TPR: variants seen among roughly 807,000 people sequenced by gnomAD.
TPR encodes nucleoprotein TPR.
In TPR, 51 loss-of-function variants were observed where a neutral mutation model predicts 316.1. The ratio of observed to expected loss-of-function variants is 0.16; its 90% CI spans 0.13 to 0.20. The LOEUF is 0.20. Among genes scored for constraint, TPR ranks in the 10% least tolerant of loss-of-function variants. The pLI, the probability that TPR is intolerant of heterozygous loss-of-function variation, is 1.00. For missense variants in TPR, 2,272 were observed against 2,754.8 expected (o/e 0.82, Z 3.92); for synonymous variants, 981 against 914.7 (o/e 1.07, Z -1.31).
chr1:186,330,311 C>T (rs1455095125), intron 39 of TPR, among the ~76,000 whole-genome samples: 1 of 152,072 alleles, frequency 6.6e-6, no homozygotes, highest in African/African-American at 2.4e-5. Flanking sequence ...TTATCAGACT[C>T]CTATCTCTGA....
At position 186,360,382 on chromosome 1, in the gene TPR, C is replaced by T. The variant is rs773434378; in HGVS notation, c.1100-18G>A. On this transcript the variant is annotated intron_variant, in intron 10 of 50. Coordinates refer to ENST00000367478, the MANE Select transcript of TPR (RefSeq NM_003292.3). ...TATGGCTCCTGTGCCAACAAATACA[C>T]ATCTAGTATAATTTGTAAAATTCCA... 3.1e-6 allele frequency: 5 copies of T among 1,608,272 alleles called. No individual in the cohort carries two copies. Among genetic ancestry groups the T allele is most frequent in the Admixed American group, 1.7e-5 (1 of 59,016 alleles).
At chr1:186,363,532 C>A (rs547174771) in intron 4 of TPR, 87 bp from the exon 5 acceptor site, 57 of 882,134 alleles carry the variant, frequency 6.5e-5, no homozygotes, top group Admixed American at 9.6e-5. Context: ...GGAATATAAA[C>A]CTTTAATACA....
In TPR at chr1:186,332,250, G is replaced by A; in HGVS notation, c.5549C>T (p.Thr1850Ile). The A allele has an allele frequency of 6.2e-7, 1 of 1,612,586 alleles. No homozygotes were observed. The highest frequency in any genetic ancestry group is 1.1e-5 in the South Asian group (1 of 90,594). ...CTTCTTTGGAAGAGGCATTTCCACT[G>A]TATCATCAGAGACTTGGTCTGATGC... ...IEASDQVSDD[T>I]VEMPLPKKLK... The change falls in exon 38 of 51, where the codon ACA becomes ATA. Residue 1850 changes from threonine to isoleucine, a missense_variant. Coordinates refer to ENST00000367478, the MANE Select transcript of TPR (RefSeq NM_003292.3).
intron 14 of TPR, chr1:186,356,667 GT>G (rs1264478150): frequency 1.2e-5 from 5 of 421,902 alleles, no homozygotes; most frequent in Non-Finnish European, 2.1e-5. Flanking sequence ...TGAAAAATTT[GT>G]TTGTAAAAAT....
At chr1:186,339,351 C>T (rs889086216) in intron 30 of TPR, among the ~76,000 whole-genome samples, 1 of 151,714 alleles carries the variant, frequency 6.6e-6, no homozygotes, top group Admixed American at 6.6e-5. Context: ...AAAAAAAAAA[C>T]CTCCTTGTAA....
At chr1:186,356,551 C>A (rs1571630062) in intron 14 of TPR, 102 bp from the exon 15 acceptor site, 3 of 1,116,152 alleles carry the variant, frequency 2.7e-6, no homozygotes, top group South Asian at 4.0e-5. Context: ...ATTCATCATA[C>A]CATTTTTGTC....
chr1:186,318,377 G>C (rs1657673159), intron 48 of TPR, 70 bp downstream of exon 48: 9 of 1,497,878 alleles, frequency 6.0e-6, no homozygotes, highest in Non-Finnish European at 8.1e-6. Flanking sequence ...ATTGTTTCTT[G>C]GCTAAAGGAA....
At chr1:186,324,419 T>A (rs1657857567) in intron 42 of TPR, among the ~76,000 whole-genome samples, 1 of 152,208 alleles carries the variant, frequency 6.6e-6, no homozygotes, top group East Asian at 1.9e-4. Flanking sequence ...TTCCTGAATT[T>A]TGAATTTTAA....
At chr1:186,357,202 C>CCA (rs1427246717) in intron 14 of TPR, among the ~76,000 whole-genome samples, 195 bp downstream of exon 14, 1 of 152,072 alleles carries the variant, frequency 6.6e-6, no homozygotes, top group Non-Finnish European at 1.5e-5. Flanking sequence ...ACATGTGCCA[C>CCA]CACACCCAGC....
intron 39 of TPR, among the ~76,000 whole-genome samples, chr1:186,330,707 A>G (rs944269819): frequency 2.0e-5 from 3 of 152,076 alleles, no homozygotes; most frequent in African/African-American, 7.2e-5. Flanking sequence ...TCCACGCTGG[A>G]GACTATTTCT....
rs139159973 is a variant in TPR, at chr1:186,373,242, A to G, written c.256+117T>C. 1,500 of 618,362 alleles carry G rather than the reference A, an allele frequency of 2.4e-3. 16 individuals carry two copies. The highest frequency in any genetic ancestry group is 0.021 in the African/African-American group (1,164 of 54,374). The allele number at this position is 618,362 out of a possible 1,614,324, so 38.3% of individuals were successfully genotyped here. On this transcript the variant is annotated intron_variant, in intron 2 of 50. Coordinates refer to ENST00000367478, the MANE Select transcript of TPR (RefSeq NM_003292.3). ...TCAAAATATCACCATAATAAAAACC[A>G]ATGATGCTTAATCAATATTTTCATG...
chr1:186,345,992 A>G, intron 23 of TPR, 143 bp downstream of exon 23: 2 of 856,434 alleles, frequency 2.3e-6, no homozygotes, highest in Non-Finnish European at 3.5e-6. Context: ...AGGTACAGAA[A>G]AGAGTAAAAC....
chr1:186,365,985 G>T (rs1380040846), intron 4 of TPR, among the ~76,000 whole-genome samples: 1 of 152,114 alleles, frequency 6.6e-6, no homozygotes, highest in Non-Finnish European at 1.5e-5. Flanking sequence ...AAAACATATT[G>T]GTAACAGACT....
intron 29 of TPR, among the ~76,000 whole-genome samples, chr1:186,340,062 C>G (rs1197730861): frequency 6.6e-6 from 1 of 152,062 alleles, no homozygotes; most frequent in African/African-American, 2.4e-5. Flanking sequence ...ATAAAGGGAT[C>G]TGAAGAATCA....
chr1:186,315,213 A>C (rs12124995), intron 49 of TPR, among the ~76,000 whole-genome samples: 5,898 of 150,650 alleles, frequency 0.039, 141 homozygotes, highest in South Asian at 0.053. Flanking sequence ...TCTCAAAAAA[A>C]AAACAAACAA....
intron 27 of TPR, chr1:186,343,008 C>T (rs1571618363): frequency 9.6e-6 from 2 of 208,248 alleles, no homozygotes; most frequent in East Asian, 2.2e-4. Flanking sequence ...CTAAATGCTT[C>T]ATGTGCACAA....
rs74134837 is a variant in TPR at position 186,368,891 on chromosome 1, T to C, written c.331-909A>G. Among the ~76,000 whole-genome samples, 379 of 152,314 alleles carry C rather than the reference T, an allele frequency of 2.5e-3. 2 individuals carry two copies. Among genetic ancestry groups the C allele is most frequent in the African/African-American group, 8.8e-3 (364 of 41,576 alleles). ...GTTTTATGGCTTCAGGTCTTACATT[T>C]AGATCTTTCATCCATCTTGGCTTGA... On this transcript the variant is annotated intron_variant, in intron 3 of 50. Transcript: ENST00000367478.
intron 9 of TPR, 45 bp downstream of exon 9, chr1:186,361,577 G>C (rs1238083084): frequency 6.7e-7 from 1 of 1,490,796 alleles, no homozygotes; most frequent in Non-Finnish European, 9.2e-7. Flanking sequence ...AAAAAAAAAA[G>C]AGTACAATAA....
intron 31 of TPR, among the ~76,000 whole-genome samples, chr1:186,337,546 T>G (rs1454214889): frequency 1.4e-5 from 2 of 145,242 alleles, no homozygotes; most frequent in East Asian, 3.9e-4. Context: ...GGGGTATTAA[T>G]TGTGAATTTT....
Sources: gnomAD v4.1 joint callset for allele counts (sites outside exome capture counted in the v4.1 genomes callset) on GRCh38, gnomAD v4.1.1 for gene constraint, MANE v1.5 for transcripts, NCBI Gene and HGNC (gene_info 2026-07-23, HGNC 2026-07-21) for gene names.